The following BAIAP2 variants were observed in gnomAD, a reference collection of about 807,000 sequenced individuals.
BAIAP2 encodes the protein BAR/IMD domain-containing adapter protein 2.
Under a neutral mutation model 63.0 loss-of-function variants are expected in BAIAP2, and 18 were observed. The observed-to-expected ratio is 0.29, with a 90% CI of 0.20 to 0.42. The LOEUF (loss-of-function observed/expected upper bound fraction) is 0.42. Among genes scored for constraint, BAIAP2 ranks in the 10% least tolerant of loss-of-function variants. The pLI is 1.00. For missense variants in BAIAP2, 610 were observed against 734.3 expected (o/e 0.83, Z 1.96); for synonymous variants, 386 against 307.6 (o/e 1.25, Z -2.67).
At chr17:81,091,511 G>A (rs926645885) in intron 6 of BAIAP2, among the ~76,000 whole-genome samples, 28 of 152,268 alleles carry the variant, frequency 1.8e-4, no homozygotes, top group African/African-American at 6.5e-4. Context: ...GGACCTGCCT[G>A]CCCCCAGCTC....
At position 81,085,644 on chromosome 17, in the gene BAIAP2, C is replaced by T. The variant is rs751324703; in HGVS notation, c.280-10C>T. On this transcript the variant is annotated splice_polypyrimidine_tract_variant and intron_variant, in intron 4 of 13. Transcript: ENST00000428708. ...AGCTGACGGCTGATGTGTTTTCTCT[C>T]CATGTCCAGCTGAAGTCTTTTCACA... The T allele has an allele frequency of 1.9e-6, 3 of 1,612,692 alleles. No homozygotes were observed. Among genetic ancestry groups the T allele is most frequent in the Non-Finnish European group, 2.5e-6 (3 of 1,179,080 alleles).
chr17:81,061,060 G>A (rs2050459065), intron 3 of BAIAP2, among the ~76,000 whole-genome samples: 1 of 152,220 alleles, frequency 6.6e-6, no homozygotes. Flanking sequence ...GGAGGCGGAG[G>A]TTGCAGTGAG....
In BAIAP2 at chr17:81,038,903, G is replaced by T. The variant is rs375814809; in HGVS notation, c.54+3595G>T. ...GCATTGGAGTCGCCTTCCTGGGTGG[G>T]GGGGGCAGCAGACCCGGCACCTGAG... On this transcript the variant is annotated intron_variant, in intron 1 of 13. Transcript: ENST00000428708. 3.4e-4 allele frequency among the ~76,000 whole-genome samples: 51 copies of T among 152,222 alleles called. 1 individual carries two copies. Among genetic ancestry groups the T allele is most frequent in the African/African-American group, 1.2e-3 (50 of 41,504 alleles).
intron 6 of BAIAP2, among the ~76,000 whole-genome samples, chr17:81,089,373 G>T (rs57852247): frequency 2.0e-5 from 3 of 152,244 alleles, no homozygotes; most frequent in African/African-American, 7.2e-5. Flanking sequence ...TGGACCTGGC[G>T]GTGACTCGAG....
At chr17:81,106,209 C>T (rs2059165031) in intron 11 of BAIAP2, 63 bp downstream of exon 11, 16 of 1,495,926 alleles carry the variant, frequency 1.1e-5, no homozygotes, top group East Asian at 4.9e-5. Flanking sequence ...GTGATGACAC[C>T]AGGTCCCTGG....
intron 13 of BAIAP2, among the ~76,000 whole-genome samples, chr17:81,114,949 G>A (rs1014473060): frequency 7.2e-5 from 11 of 152,206 alleles, no homozygotes; most frequent in Admixed American, 2.6e-4. Flanking sequence ...TCCCTGCTGC[G>A]TCTTCATGTC....
intron 3 of BAIAP2, among the ~76,000 whole-genome samples, chr17:81,075,898 T>C (rs1403480188): frequency 6.6e-6 from 1 of 151,968 alleles, no homozygotes; most frequent in African/African-American, 2.4e-5. Flanking sequence ...ACGGAGGTTC[T>C]GCCAGGGTCT....
intron 3 of BAIAP2, chr17:81,076,437 T>C (rs1163822137): frequency 1.3e-5 from 2 of 151,978 alleles, no homozygotes; most frequent in African/African-American, 4.8e-5. Context: ...GACGCCGCAG[T>C]TTGCTCTGCT....
chr17:81,036,785 GA>G, intron 1 of BAIAP2: 1 of 1,261,370 alleles, frequency 7.9e-7, no homozygotes, highest in Non-Finnish European at 1.1e-6. Flanking sequence ...TTGCTCTGTG[GA>G]AGCACATGTT....
intron 1 of BAIAP2, among the ~76,000 whole-genome samples, chr17:81,042,122 T>G (rs184142403): frequency 7.0e-6 from 1 of 143,310 alleles, no homozygotes; most frequent in East Asian, 2.0e-4. Flanking sequence ...ACTGGCACTT[T>G]TTTTTTTCTT....
At chr17:81,044,606 A>G (rs1009800765) in intron 1 of BAIAP2, among the ~76,000 whole-genome samples, 9 of 152,344 alleles carry the variant, frequency 5.9e-5, no homozygotes, top group Middle Eastern at 3.4e-3. Context: ...GACACAGTTC[A>G]GCCGTGACAC....
At chr17:81,104,215 C>T in intron 9 of BAIAP2, 107 bp downstream of exon 9, 1 of 1,241,138 alleles carries the variant, frequency 8.1e-7, no homozygotes, top group Middle Eastern at 1.9e-4. Flanking sequence ...CTGAGGCTCA[C>T]AATTATGTGA....
chr17:81,096,352 A>G (rs1057206087), intron 6 of BAIAP2, among the ~76,000 whole-genome samples: 6 of 152,194 alleles, frequency 3.9e-5, no homozygotes, highest in Admixed American at 3.3e-4. Context: ...GGGTTTCTCC[A>G]TGGAACCTCA....
rs747167307 is a variant in BAIAP2, at chr17:81,103,558, C to T, written c.699C>T (p.Pro233=). 1 of 1,600,230 alleles carries T rather than the reference C, an allele frequency of 6.2e-7. No individual in the cohort carries two copies. The highest frequency in any genetic ancestry group is 1.1e-5 in the South Asian group (1 of 90,568). Residue 233 remains proline, a synonymous_variant, in exon 8 of 14, where the codon CCC becomes CCT. Coordinates refer to ENST00000428708, the MANE Select transcript of BAIAP2 (RefSeq NM_001144888.2). ...TGTGGCAACAGGCCTGTGCCGACCC[C>T]AGCAAGATCCCGGAGCGCGCGGTGC... The part of the protein sequence containing the change: ...LPLWQQACAD[P]SKIPERAVQL...
chr17:81,066,171 G>A (rs2051425327), intron 3 of BAIAP2, among the ~76,000 whole-genome samples: 1 of 152,234 alleles, frequency 6.6e-6, no homozygotes, highest in Non-Finnish European at 1.5e-5. Flanking sequence ...AGAGGCCGCT[G>A]TGTACCCGCT....
intron 3 of BAIAP2, among the ~76,000 whole-genome samples, chr17:81,061,145 C>T (rs952598761): frequency 2.0e-5 from 3 of 152,172 alleles, no homozygotes; most frequent in Admixed American, 6.5e-5. Context: ...TAGACATCAT[C>T]GAAAGGATTC....
intron 3 of BAIAP2, among the ~76,000 whole-genome samples, chr17:81,075,220 G>T (rs1484977876): frequency 6.6e-6 from 1 of 152,226 alleles, no homozygotes; most frequent in Non-Finnish European, 1.5e-5. Flanking sequence ...CGGCGGCCAG[G>T]TCTGCGCCTG....
intron 1 of BAIAP2, among the ~76,000 whole-genome samples, chr17:81,050,226 A>G (rs761401969): frequency 2.0e-5 from 3 of 152,298 alleles, no homozygotes; most frequent in African/African-American, 7.2e-5. Context: ...CCCCCTTACA[A>G]TGTTGGCTCA....
At chr17:81,096,982 A>AG (rs1406126234) in intron 6 of BAIAP2, among the ~76,000 whole-genome samples, 3 of 151,958 alleles carry the variant, frequency 2.0e-5, no homozygotes, top group Non-Finnish European at 4.4e-5. Flanking sequence ...AAAGGAGAGG[A>AG]GGAGGAGGAG....
Sources: gnomAD v4.1 joint callset for allele counts (sites outside exome capture counted in the v4.1 genomes callset) on GRCh38, gnomAD v4.1.1 for gene constraint, MANE v1.5 for transcripts, NCBI Gene and HGNC (gene_info 2026-07-23, HGNC 2026-07-21) for gene names.